FBXO34: variants seen among roughly 807,000 people sequenced by gnomAD.
FBXO34 encodes F-box only protein 34.
FBXO34 carries 12 observed loss-of-function variants against 24.5 expected under a neutral mutation model. The ratio of observed to expected loss-of-function variants is 0.49; its 90% CI spans 0.31 to 0.79. The LOEUF is 0.79. FBXO34 is among the 30% of genes least tolerant of loss of function. FBXO34 has a pLI of 0.04. For synonymous variants in FBXO34, 320 were observed against 311.9 expected (o/e 1.03, Z -0.27); for missense variants, 823 against 857.7 (o/e 0.96, Z 0.51).
At chr14:55,341,269 C>T (rs1883982469) in intron 1 of FBXO34, among the ~76,000 whole-genome samples, 1 of 152,100 alleles carries the variant, frequency 6.6e-6, no homozygotes, top group Admixed American at 6.5e-5. Context: ...TCAGACATCA[C>T]CTGGGGGATG....
At chr14:55,420,917 T>C in the FBXO34 span, among the ~76,000 whole-genome samples, 2 of 151,802 alleles carry the variant, frequency 1.3e-5, no homozygotes, top group South Asian at 2.1e-4. Flanking sequence ...AAAAATTAGC[T>C]GGGCATAGTG....
At chr14:55,372,224 C>T (rs1483179004), downstream of FBXO34, among the ~76,000 whole-genome samples, 1 of 152,116 alleles carries the variant, frequency 6.6e-6, no homozygotes, top group South Asian at 2.1e-4. Context: ...TACCTGTTAT[C>T]ATTAAATAAG....
the FBXO34 span, among the ~76,000 whole-genome samples, chr14:55,380,304 C>T: frequency 6.6e-6 from 1 of 152,134 alleles, no homozygotes; most frequent in Non-Finnish European, 1.5e-5. Context: ...TGCGATTTAA[C>T]ATATGAGGAT....
intron 1 of FBXO34, among the ~76,000 whole-genome samples, chr14:55,276,670 G>T (rs531855419): frequency 1.0e-3 from 159 of 152,248 alleles, no homozygotes; most frequent in Admixed American, 3.3e-3. Context: ...TTTTACAGAA[G>T]TTAAGTAGTC....
At chr14:55,421,060 CAAAAA>C in the FBXO34 span, among the ~76,000 whole-genome samples, 2 of 107,588 alleles carry the variant, frequency 1.9e-5, no homozygotes, top group Non-Finnish European at 3.7e-5. Flanking sequence ...GAATCTGTCT[CAAAAA>C]AAAAAAAAAA....
At chr14:55,439,930 C>CAAAAAAAAAAAAAAAAAA in the FBXO34 span, among the ~76,000 whole-genome samples, 3 of 39,180 alleles carry the variant, frequency 7.7e-5, no homozygotes, top group African/African-American at 1.1e-4. Context: ...GACTCTGTCT[C>CAAAAAAAAAAAAAAAAAA]AAAAAAAAAA....
chr14:55,292,821 C>T (rs1881986241), intron 1 of FBXO34, among the ~76,000 whole-genome samples: 1 of 152,142 alleles, frequency 6.6e-6, no homozygotes, highest in African/African-American at 2.4e-5. Flanking sequence ...TTTGGCTCTT[C>T]TGGGTGAGAG....
the FBXO34 span, among the ~76,000 whole-genome samples, chr14:55,427,568 A>G: frequency 1.3e-5 from 2 of 152,156 alleles, no homozygotes; most frequent in Non-Finnish European, 2.9e-5. Context: ...CTTGGCCAAG[A>G]GAATTTAAGA....
At chr14:55,442,090 C>T in the FBXO34 span, among the ~76,000 whole-genome samples, 1 of 151,296 alleles carries the variant, frequency 6.6e-6, no homozygotes, top group African/African-American at 2.4e-5. Flanking sequence ...ATGTAAGATA[C>T]GTAAAAATGT....
intron 1 of FBXO34, among the ~76,000 whole-genome samples, chr14:55,345,931 GGGA>G (rs1884145513): frequency 6.6e-6 from 1 of 152,178 alleles, no homozygotes; most frequent in Non-Finnish European, 1.5e-5. Context: ...GCTTGAGCCT[GGGA>G]GGTTGAGGCT....
intron 1 of FBXO34, among the ~76,000 whole-genome samples, chr14:55,284,355 A>G (rs1207736980): frequency 6.6e-6 from 1 of 151,962 alleles, no homozygotes; most frequent in Non-Finnish European, 1.5e-5. Flanking sequence ...CTCTACTAAA[A>G]ATACAAAATT....
chr14:55,413,732 G>C, the FBXO34 span: 3 of 301,752 alleles, frequency 9.9e-6, no homozygotes, highest in Non-Finnish European at 2.0e-5. Flanking sequence ...TTGGCTCTTA[G>C]AGTGCCAAGG....
chr14:55,344,546 ATTTTT>A (rs3085086), intron 1 of FBXO34, among the ~76,000 whole-genome samples: 1 of 138,970 alleles, frequency 7.2e-6, no homozygotes, highest in Non-Finnish European at 1.6e-5. Flanking sequence ...GTGTATGTGT[ATTTTT>A]TTTTTTTTTT....
the FBXO34 span, among the ~76,000 whole-genome samples, chr14:55,380,853 GTGTATA>G: frequency 9.3e-6 from 1 of 108,032 alleles, no homozygotes; most frequent in African/African-American, 4.6e-5. Context: ...CATTCTTTGT[GTGTATA>G]TATATATATA....
chr14:55,313,956 G>A (rs760749582), intron 1 of FBXO34, among the ~76,000 whole-genome samples: 11 of 152,194 alleles, frequency 7.2e-5, no homozygotes, highest in Admixed American at 3.3e-4. Flanking sequence ...AGGCTGGAGT[G>A]CAGTGGCATG....
intron 3 of FBXO34, among the ~76,000 whole-genome samples, chr14:55,360,647 C>T (rs534801469): frequency 2.6e-5 from 4 of 152,084 alleles, no homozygotes; most frequent in East Asian, 1.9e-4. Flanking sequence ...TTTTAAACAA[C>T]GAGAGGCTAG....
At chr14:55,303,510 T>C (rs1469925520) in intron 1 of FBXO34, among the ~76,000 whole-genome samples, 1 of 152,146 alleles carries the variant, frequency 6.6e-6, no homozygotes, top group African/African-American at 2.4e-5. Flanking sequence ...GGTCATGATA[T>C]CATAATTTAC....
chr14:55,362,944 C>T (rs1289211076), downstream of FBXO34, among the ~76,000 whole-genome samples: 1 of 151,796 alleles, frequency 6.6e-6, no homozygotes, highest in Non-Finnish European at 1.5e-5. Context: ...ATACCACACC[C>T]AAAGGGAAGG....
At chr14:55,432,124 T>C in the FBXO34 span, among the ~76,000 whole-genome samples, 6 of 151,702 alleles carry the variant, frequency 4.0e-5, no homozygotes, top group African/African-American at 9.7e-5. Flanking sequence ...AAACCCACCA[T>C]AGGCCAGATG....
Sources: allele counts gnomAD v4.1 joint callset (sites outside exome capture counted in the v4.1 genomes callset), GRCh38; gene constraint gnomAD v4.1.1; transcripts MANE v1.5; gene names NCBI Gene and HGNC (gene_info 2026-07-23, HGNC 2026-07-21).